The following MAMLD1 variants were observed in gnomAD, a reference collection of about 807,000 sequenced individuals.
The protein encoded by MAMLD1 is mastermind like domain containing 1.
A neutral mutation model predicts 45.0 loss-of-function variants in MAMLD1; 14 were observed. The observed-to-expected ratio is 0.31, with a 90% CI of 0.21 to 0.49. MAMLD1 has a LOEUF of 0.49. MAMLD1 is among the 20% of genes least tolerant of loss of function. MAMLD1 has a pLI of 0.99. For synonymous variants in MAMLD1, 254 were observed against 247.8 expected, an observed-to-expected ratio of 1.02 and a Z score of -0.24; for missense variants, 543 against 603.6, an observed-to-expected ratio of 0.90 and a Z score of 1.05.
intron 1 of MAMLD1, among the ~76,000 whole-genome samples, chrX:150,398,323 GAAGAAGAA>G (rs1569564599): frequency 7.4e-4 from 67 of 91,149 alleles, no homozygotes; most frequent in African/African-American, 2.4e-3. Flanking sequence ...AGAAGAAGAA[GAAGAAGAA>G]GAAGAAGAAG....
At chrX:150,395,829 A>T (rs974637113) in intron 1 of MAMLD1, among the ~76,000 whole-genome samples, 38 of 109,833 alleles carry the variant, frequency 3.5e-4, no homozygotes, top group African/African-American at 1.2e-3. Flanking sequence ...TTTTTTCCTT[A>T]GCTTTGTCCA....
intron 6 of MAMLD1, among the ~76,000 whole-genome samples, chrX:150,505,409 GAC>G (rs1454461997): frequency 6.2e-5 from 7 of 112,164 alleles, no homozygotes; most frequent in African/African-American, 2.3e-4. Context: ...TAAGAGTAGA[GAC>G]ACACGGTGTT....
At chrX:150,503,253 T>C in intron 5 of MAMLD1, 21 bp from the exon 6 acceptor site, 1 of 1,198,800 alleles carries the variant, frequency 8.3e-7, no homozygotes, top group Non-Finnish European at 1.1e-6. Context: ...AGCTGATGGA[T>C]TGTTCAATCG....
At chrX:150,507,151 C>T (rs1460150435) in intron 6 of MAMLD1, among the ~76,000 whole-genome samples, 5 of 111,895 alleles carry the variant, frequency 4.5e-5, no homozygotes, top group Non-Finnish European at 9.4e-5. Context: ...ATTTGACGAC[C>T]CCTTCATAGC....
At chrX:150,402,192 C>T (rs782153819) in intron 1 of MAMLD1, among the ~76,000 whole-genome samples, 28 of 110,478 alleles carry the variant, frequency 2.5e-4, no homozygotes, top group African/African-American at 9.3e-4. Context: ...GGCTAATATC[C>T]AGAATCTACA....
chrX:150,471,559 T>C, intron 4 of MAMLD1, 69 bp downstream of exon 4: 3 of 1,205,204 alleles, frequency 2.5e-6, no homozygotes, highest in Non-Finnish European at 3.4e-6. Context: ...ATGTTGCCAA[T>C]ATCTGGCTCT....
intron 1 of MAMLD1, among the ~76,000 whole-genome samples, chrX:150,431,141 T>A (rs1488445019): frequency 1.8e-5 from 2 of 112,216 alleles, no homozygotes; most frequent in African/African-American, 6.5e-5. Flanking sequence ...TTTCAGTTTA[T>A]ACGTCCTGTA....
At chrX:150,371,142 C>T (rs1191078553) in intron 1 of MAMLD1, among the ~76,000 whole-genome samples, 2 of 111,429 alleles carry the variant, frequency 1.8e-5, no homozygotes, top group Admixed American at 9.5e-5. Context: ...CAGCCAGTGC[C>T]CCTTTCTGCA....
At position 150,430,019 on chromosome X, in the gene MAMLD1, C is replaced by CTTTT. The variant is rs1174092962; in HGVS notation, c.-63-15414_-63-15411dup. ...CCATTTTCTTTTCTTTCTTTCTTTTCTTTTTTTTTTTTTTTTTTTTTTTTG... is the reference window on the plus strand; with the variant it reads ...CCATTTTCTTTTCTTTCTTTCTTTTCTTTTTTTTTTTTTTTTTTTTTTTTTTTTG... On this transcript the variant is annotated intron_variant, in intron 1 of 7. Coordinates refer to ENST00000370401, the MANE Select transcript of MAMLD1 (RefSeq NM_005491.5). Among the ~76,000 whole-genome samples the CTTTT allele has an allele frequency of 2.6e-3, 130 of 49,216 alleles. 9 individuals are homozygous for CTTTT. The highest frequency in any genetic ancestry group is 5.1e-3 in the African/African-American group (60 of 11,870). 42.7% of individuals were successfully genotyped at this position (49,216 alleles called of 115,157 possible).
At position 150,452,180 on chromosome X, in the gene MAMLD1, G is replaced by T. The variant is rs782620256; in HGVS notation, c.96+6568G>T. On this transcript the variant is annotated intron_variant, in intron 2 of 7. Coordinates refer to ENST00000370401, the MANE Select transcript of MAMLD1 (RefSeq NM_005491.5). The stretch of plus-strand genomic sequence containing the variant: ...GCCAGTGTCATACAGAGGGGAAGGG[G>T]TGCAATTAAAAAGTCATTGTCTCTA... Among the ~76,000 whole-genome samples, 47 of 112,230 alleles carry T rather than the reference G, an allele frequency of 4.2e-4. No homozygotes were observed. In the South Asian group the frequency reaches 5.6e-3, roughly 13 times the overall value.
At chrX:150,424,752 C>T (rs146048037) in intron 1 of MAMLD1, among the ~76,000 whole-genome samples, 1,153 of 112,197 alleles carry the variant, frequency 0.01, 19 homozygotes, top group African/African-American at 0.036. Flanking sequence ...ATTCATATAC[C>T]ATTCAATTAA....
intron 1 of MAMLD1, among the ~76,000 whole-genome samples, chrX:150,389,854 G>A (rs2033100471): frequency 8.9e-6 from 1 of 112,021 alleles, no homozygotes; most frequent in African/African-American, 3.2e-5. Context: ...TGTTTTCCTA[G>A]TGCATTATTA....
chrX:150,397,878 AATTCACT>A (rs2033487360), intron 1 of MAMLD1, among the ~76,000 whole-genome samples: 1 of 111,535 alleles, frequency 9.0e-6, no homozygotes, highest in Non-Finnish European at 1.9e-5. Context: ...CTGATGCCTA[AATTCACT>A]ATTCAACATC....
At chrX:150,486,853 T>C (rs2037007157) in intron 5 of MAMLD1, among the ~76,000 whole-genome samples, 1 of 112,164 alleles carries the variant, frequency 8.9e-6, no homozygotes, top group South Asian at 3.7e-4. Context: ...CGGTGGTCAC[T>C]GATCCATCAT....
intron 1 of MAMLD1, among the ~76,000 whole-genome samples, chrX:150,391,757 T>C (rs1241162358): frequency 8.9e-6 from 1 of 112,085 alleles, no homozygotes; most frequent in African/African-American, 3.2e-5. Flanking sequence ...TGGTTCTGGG[T>C]ATGATTAATG....
intron 1 of MAMLD1, among the ~76,000 whole-genome samples, chrX:150,365,449 T>G (rs1406478831): frequency 8.9e-6 from 1 of 112,895 alleles, no homozygotes; most frequent in Non-Finnish European, 1.9e-5. Context: ...GCAGAGGCCC[T>G]AGGCTGCAAG....
intron 6 of MAMLD1, 35 bp downstream of exon 6, chrX:150,503,552 T>C: frequency 1.2e-6 from 1 of 866,772 alleles, no homozygotes; most frequent in Non-Finnish European, 1.7e-6. Context: ...GCTTTCCTCA[T>C]CTGTCAACGG....
intron 1 of MAMLD1, among the ~76,000 whole-genome samples, chrX:150,420,609 G>A (rs1273487244): frequency 8.9e-6 from 1 of 112,188 alleles, no homozygotes; most frequent in East Asian, 2.8e-4. Context: ...ATGTACAGAT[G>A]GGTTTTTGGT....
At chrX:150,463,637 G>A (rs2036123209) in intron 3 of MAMLD1, among the ~76,000 whole-genome samples, 1 of 112,133 alleles carries the variant, frequency 8.9e-6, no homozygotes, top group African/African-American at 3.2e-5. Flanking sequence ...ACCCAGGTTT[G>A]CTCATCTCTG....
Sources: allele counts gnomAD v4.1 joint callset (sites outside exome capture counted in the v4.1 genomes callset), GRCh38; gene constraint gnomAD v4.1.1; transcripts MANE v1.5; gene names NCBI Gene and HGNC (gene_info 2026-07-23, HGNC 2026-07-21).